The following FLRT1 variants were observed in gnomAD, a reference collection of about 807,000 sequenced individuals.
FLRT1 encodes the protein fibronectin leucine rich transmembrane protein 1.
Under a neutral mutation model 30.9 loss-of-function variants are expected in FLRT1, and 14 were observed. The observed-to-expected ratio is 0.45, with a 90% CI of 0.30 to 0.71. The LOEUF is 0.71. FLRT1 is among the 30% of genes least tolerant of loss of function. The pLI, the probability that FLRT1 is intolerant of heterozygous loss-of-function variation, is 0.08. For missense variants in FLRT1, 737 were observed against 949.2 expected (o/e 0.78, Z 2.94); for synonymous variants, 368 against 430.4 (o/e 0.85, Z 1.80).
Position 64,064,608 on chromosome 11 carries a change from A to G in FLRT1, c.-1038+28449A>G, listed in dbSNP as rs1943961919. 6.6e-6 allele frequency among the ~76,000 whole-genome samples: 1 copy of G among 151,746 alleles called. No individual in the cohort carries two copies. Among genetic ancestry groups the G allele is most frequent in the Admixed American group, 6.6e-5 (1 of 15,182 alleles). The stretch of plus-strand genomic sequence containing the variant: ...TTCTTCCCTGGCCCTGTTAAAACCC[A>G]GAATGTATCCTGACAGCATTGGAAC... On this transcript the variant is annotated intron_variant, in intron 1 of 2. Coordinates refer to ENST00000682287, the MANE Select transcript of FLRT1 (RefSeq NM_013280.5). The surrounding 1 kb of genome is among the most constrained non-coding windows in gnomAD (Gnocchi z 4.5).
chr11:64,081,440 G>T (rs1944301635), intron 1 of FLRT1, among the ~76,000 whole-genome samples: 1 of 152,212 alleles, frequency 6.6e-6, no homozygotes, highest in African/African-American at 2.4e-5. Context: ...TCCCAGCTGT[G>T]ACCCTCATAC....
chr11:64,052,626 C>T (rs530842932), intron 1 of FLRT1, among the ~76,000 whole-genome samples: 13 of 152,212 alleles, frequency 8.5e-5, no homozygotes, highest in Non-Finnish European at 1.8e-4. Flanking sequence ...CTGCTGAGTC[C>T]AGGGAGGGCC....
chr11:64,061,530 C>G lies in FLRT1; in HGVS notation c.-1038+25371C>G, dbSNP rs576380432. Among the ~76,000 whole-genome samples the G allele has an allele frequency of 1.9e-3, 282 of 152,306 alleles. 3 individuals carry two copies. Among genetic ancestry groups the G allele is most frequent in the African/African-American group, 6.4e-3 (266 of 41,562 alleles). On this transcript the variant is annotated intron_variant, in intron 1 of 2. Transcript: ENST00000682287. The stretch of plus-strand genomic sequence containing the variant: ...CTCCCCGGCTCTGCACTGTGATCAC[C>G]GGTCTTGTTCACCATTCAGGGTTCT...
At chr11:64,085,950 C>A (rs993141513) in intron 1 of FLRT1, among the ~76,000 whole-genome samples, 2 of 152,090 alleles carry the variant, frequency 1.3e-5, no homozygotes, top group Admixed American at 1.3e-4. Context: ...CCTTCCTGCG[C>A]CCCCAGCCCC....
chr11:64,063,026 G>C (rs1230759491), intron 1 of FLRT1, among the ~76,000 whole-genome samples: 1 of 152,242 alleles, frequency 6.6e-6, no homozygotes, highest in African/African-American at 2.4e-5. Flanking sequence ...GAGGGATTCA[G>C]TGAGATATAA....
At chr11:64,076,894 C>T (rs1033610984) in intron 1 of FLRT1, among the ~76,000 whole-genome samples, 2 of 152,222 alleles carry the variant, frequency 1.3e-5, no homozygotes, top group South Asian at 2.1e-4. Flanking sequence ...ACTTACTCAT[C>T]GGCTTGGGGC....
intron 1 of FLRT1, among the ~76,000 whole-genome samples, chr11:64,078,631 A>C (rs995359109): frequency 2.6e-5 from 4 of 152,086 alleles, no homozygotes; most frequent in African/African-American, 9.7e-5. Context: ...TCCTGAGGTG[A>C]TCATGGCTCC....
At chr11:64,072,341 T>C (rs1590869252) in intron 1 of FLRT1, among the ~76,000 whole-genome samples, 1 of 151,958 alleles carries the variant, frequency 6.6e-6, no homozygotes, top group Admixed American at 6.5e-5. Flanking sequence ...CCTTTGGGGG[T>C]TGCCTCTGGC....
intron 1 of FLRT1, among the ~76,000 whole-genome samples, chr11:64,102,272 G>A (rs1028023030): frequency 6.6e-6 from 1 of 152,210 alleles, no homozygotes; most frequent in African/African-American, 2.4e-5. Flanking sequence ...AGGTGCTGGG[G>A]AGGGCTCGGG....
chr11:64,069,260 G>A (rs1256987724), intron 1 of FLRT1, among the ~76,000 whole-genome samples: 1 of 152,242 alleles, frequency 6.6e-6, no homozygotes, highest in Non-Finnish European at 1.5e-5. Flanking sequence ...ACCTGACACC[G>A]GAGACAGCTC....
chr11:64,117,966 T>C lies in FLRT1; in HGVS notation c.1699T>C (p.Phe567Leu). Reference protein sequence around the residue: ...IGGAVALVFLFLVLGAICWYV... With the variant: ...IGGAVALVFLLLVLGAICWYV... ...CGGGGCAGTGGCTCTGGTCTTCCTCTTCCTGGTCCTGGGGGCCATCTGCTG... is the reference window on the plus strand; with the variant it reads ...CGGGGCAGTGGCTCTGGTCTTCCTCCTCCTGGTCCTGGGGGCCATCTGCTG... Residue 567 changes from phenylalanine to leucine, a missense_variant, in exon 3 of 3, where the codon TTC becomes CTC. Physicochemically the swap from Phe to Leu is conservative, Grantham distance 22. Transcript: ENST00000682287. The C allele has an allele frequency of 1.9e-6, 3 of 1,613,756 alleles. No homozygotes were observed. The highest frequency in any genetic ancestry group is 2.5e-6 in the Non-Finnish European group (3 of 1,180,008).
chr11:64,115,589 C>T (rs1386639071), intron 2 of FLRT1, among the ~76,000 whole-genome samples: 3 of 152,200 alleles, frequency 2.0e-5, no homozygotes, highest in African/African-American at 7.2e-5. Flanking sequence ...TGTTTTAACA[C>T]CAGACAATGA....
At chr11:64,076,268 A>G (rs1174816334) in intron 1 of FLRT1, among the ~76,000 whole-genome samples, 1 of 152,060 alleles carries the variant, frequency 6.6e-6, no homozygotes, top group Non-Finnish European at 1.5e-5. Context: ...AGGTGCCCCC[A>G]TGACCCTCCA....
At chr11:64,074,830 C>G (rs1944173561) in intron 1 of FLRT1, among the ~76,000 whole-genome samples, 1 of 152,218 alleles carries the variant, frequency 6.6e-6, no homozygotes, top group Non-Finnish European at 1.5e-5. Context: ...GTGGGGAAGC[C>G]TGTGGCCTGC....
chr11:64,042,065 G>C (rs1943497550), intron 1 of FLRT1, among the ~76,000 whole-genome samples: 1 of 152,212 alleles, frequency 6.6e-6, no homozygotes, highest in Non-Finnish European at 1.5e-5. Flanking sequence ...GGCCAGGCCT[G>C]GAGCTGGCCA....
At chr11:64,049,847 A>C (rs1435780144) in intron 1 of FLRT1, among the ~76,000 whole-genome samples, 11 of 152,084 alleles carry the variant, frequency 7.2e-5, no homozygotes, top group African/African-American at 2.7e-4. Flanking sequence ...GGCCTGGCTG[A>C]GCTGTGATCC....
chr11:64,041,433 TG>T (rs1943485579), intron 1 of FLRT1, among the ~76,000 whole-genome samples: 4 of 151,388 alleles, frequency 2.6e-5, no homozygotes. Context: ...GGGCTTTTCC[TG>T]GGGGAGGTCA....
chr11:64,084,025 C>G (rs111560680), intron 1 of FLRT1, among the ~76,000 whole-genome samples: 4,245 of 152,284 alleles, frequency 0.028, 218 homozygotes, highest in African/African-American at 0.097. Context: ...ACTGGTCCCT[C>G]AGGAGGCAGA....
At chr11:64,112,831 C>A (rs1473323624) in intron 2 of FLRT1, among the ~76,000 whole-genome samples, 8 of 152,194 alleles carry the variant, frequency 5.3e-5, no homozygotes, top group African/African-American at 1.9e-4. Context: ...TTAGCAGCCA[C>A]CTTGATGACT....
Sources: gnomAD v4.1 joint callset for allele counts (sites outside exome capture counted in the v4.1 genomes callset) on GRCh38, gnomAD v4.1.1 for gene constraint, Gnocchi (gnomAD v3.1) non-coding constraint, MANE v1.5 for transcripts, NCBI Gene and HGNC (gene_info 2026-07-23, HGNC 2026-07-21) for gene names.